Variants in TRRAP observed in about 807,000 individuals in gnomAD.
TRRAP encodes the protein transformation/transcription domain-associated protein.
A neutral mutation model predicts 438.8 loss-of-function variants in TRRAP; 41 were observed. That is an observed-to-expected ratio of 0.09 (90% CI 0.07 to 0.12). The LOEUF (loss-of-function observed/expected upper bound fraction) is 0.12. Among genes scored for constraint, TRRAP ranks in the 10% least tolerant of loss-of-function variants. The pLI, the probability that TRRAP is intolerant of heterozygous loss-of-function variation, is 1.00. For missense variants in TRRAP, 3,122 were observed against 5,055.1 expected, an observed-to-expected ratio of 0.62 and a Z score of 11.60; for synonymous variants, 1,994 against 1,962.9, an observed-to-expected ratio of 1.02 and a Z score of -0.42.
Position 98,925,259 on chromosome 7 carries a change from C to T in TRRAP, c.2971C>T (p.Pro991Ser). ...CGCACTCTACCAGCTCCTGGCACAC[C>T]CCAAGTATGTCGGCCACTTCCTTCT... The part of the protein sequence containing the change: ...KHALYQLLAH[P>S]NFTEKTIPNV... The change falls in exon 22 of 73, where the codon CCC becomes TCC. Residue 991 changes from proline (P) to serine (S), a missense_variant. Physicochemically the swap from Pro to Ser is moderately conservative, Grantham distance 74. Transcript: ENST00000456197. The T allele has an allele frequency of 6.2e-7, 1 of 1,613,470 alleles. No individual in the cohort carries two copies. The highest frequency in any genetic ancestry group is 8.5e-7 in the Non-Finnish European group (1 of 1,179,778).
chr7:98,878,911 G>T (rs1554402561), intron 1 of TRRAP, among the ~76,000 whole-genome samples: 1 of 152,150 alleles, frequency 6.6e-6, no homozygotes, highest in Non-Finnish European at 1.5e-5. Flanking sequence ...ACGCGGTCAC[G>T]GAGCGCCCGG....
At chr7:98,897,931 C>A (rs1200200086) in intron 8 of TRRAP, 65 bp downstream of exon 8, 2 of 1,598,080 alleles carry the variant, frequency 1.3e-6, no homozygotes, top group African/African-American at 2.7e-5. Context: ...GCCTGTTAAA[C>A]CATTTTTTTT....
chr7:98,939,104 T>C (rs1338254058), intron 30 of TRRAP, among the ~76,000 whole-genome samples: 1 of 152,228 alleles, frequency 6.6e-6, no homozygotes, highest in Non-Finnish European at 1.5e-5. Flanking sequence ...GATTTATAAA[T>C]AATAAACAGG....
At chr7:98,892,658 T>C (rs562996898) in intron 5 of TRRAP, 130 bp downstream of exon 5, 10 of 715,254 alleles carry the variant, frequency 1.4e-5, no homozygotes, top group Admixed American at 1.0e-4. Context: ...TGAGTAAAAA[T>C]TTTTCTTAAT....
intron 39 of TRRAP, 86 bp from the exon 40 acceptor site, chr7:98,953,081 T>TG (rs1791417570): frequency 2.5e-6 from 2 of 805,038 alleles, no homozygotes; most frequent in East Asian, 5.7e-5. Flanking sequence ...GTGTGTGTGT[T>TG]TTTAAGGCTT....
chr7:98,956,476 C>T lies in TRRAP; in HGVS notation c.6174C>T (p.Ser2058=), dbSNP rs781783001. 21 of 1,614,110 alleles carry T rather than the reference C, an allele frequency of 1.3e-5. No individual in the cohort carries two copies. Among genetic ancestry groups the T allele is most frequent in the African/African-American group, 5.3e-5 (4 of 74,946 alleles). Residue 2058 remains serine (S), a synonymous_variant, in exon 43 of 73, where the codon TCC becomes TCT. Coordinates refer to ENST00000456197, the MANE Select transcript of TRRAP (RefSeq NM_001375524.1). This position sits in a 1 kb window ranked among gnomAD's most constrained non-coding sequence, Gnocchi z 4.5. ...CATCCTCCATTAAGAGAGGCCTGTC[C>T]GTGGATTCTGCCCAGGAAGTGAAAC... ...SVSSSIKRGL[S]VDSAQEVKRF...
intron 69 of TRRAP, among the ~76,000 whole-genome samples, chr7:99,006,493 T>A (rs2116865865): frequency 6.6e-6 from 1 of 152,346 alleles, no homozygotes; most frequent in South Asian, 2.1e-4. Flanking sequence ...TCCAAATGCT[T>A]GGTCAGCACA....
At chr7:98,985,759 A>G (rs138155440) in intron 62 of TRRAP, among the ~76,000 whole-genome samples, 1 of 152,340 alleles carries the variant, frequency 6.6e-6, no homozygotes, top group Middle Eastern at 3.4e-3. Context: ...CAGTTTTGTC[A>G]ACATAAAAAG....
chr7:99,012,015 C>T lies in TRRAP; in HGVS notation c.11338-56C>T. Reference sequence around the variant, plus strand: ...TGAGTCCCACCTTGTTAGGAAGCTGCCCCTGTGGGCTGTTCTTGGTTAAAC... The same window carrying T: ...TGAGTCCCACCTTGTTAGGAAGCTGTCCCTGTGGGCTGTTCTTGGTTAAAC... On this transcript the variant is annotated intron_variant, in intron 72 of 72. Transcript: ENST00000456197. The surrounding 1 kb of genome is among the most constrained non-coding windows in gnomAD (Gnocchi z 5.9). 2 of 1,579,030 alleles carry T rather than the reference C, an allele frequency of 1.3e-6. No individual in the cohort carries two copies. The highest frequency in any genetic ancestry group is 8.6e-7 in the Non-Finnish European group (1 of 1,159,336).
At chr7:98,913,195 A>G (rs534044172) in intron 18 of TRRAP, among the ~76,000 whole-genome samples, 3 of 152,220 alleles carry the variant, frequency 2.0e-5, no homozygotes, top group African/African-American at 7.2e-5. Flanking sequence ...GTCTGTTGCA[A>G]CTGAAATCAA....
In TRRAP at chr7:98,912,219, G is replaced by C. The variant is rs782670054; in HGVS notation, c.2199+6G>C. ...AAAATGAACAAATGCTGAAGGTAAA[G>C]TCCATTTAATCTAAGTAGTGCTTCT... On this transcript the variant is annotated splice_donor_region_variant and intron_variant, in intron 18 of 72. Transcript: ENST00000456197. 168 of 1,612,752 alleles carry C rather than the reference G, an allele frequency of 1.0e-4. No homozygotes were observed. Among genetic ancestry groups the C allele is most frequent in the Middle Eastern group, 1.6e-4 (1 of 6,074 alleles).
rs1386472809 is a variant in TRRAP, at chr7:98,961,373, A to G, written c.6602A>G (p.Gln2201Arg). ...PAILSSFKPL[Q>R]RGIAACMTCG... ...ATCCTCAGTAGCTTCAAACCTCTGC[A>G]GCGTGGAATTGCCGCCTGCATGACA... The change falls in exon 46 of 73, where the codon CAG becomes CGG. Residue 2201 changes from glutamine to arginine, a missense_variant. Coordinates refer to ENST00000456197, the MANE Select transcript of TRRAP (RefSeq NM_001375524.1). The G allele has an allele frequency of 6.2e-7, 1 of 1,614,222 alleles. No homozygotes were observed. Among genetic ancestry groups the G allele is most frequent in the African/African-American group, 1.3e-5 (1 of 75,060 alleles).
Position 98,948,741 on chromosome 7 carries a change from G to A in TRRAP, c.4788+56G>A, listed in dbSNP as rs566657479. 1.3e-5 allele frequency: 21 copies of A among 1,612,112 alleles called. No individual in the cohort carries two copies. In the East Asian group the frequency reaches 2.5e-4, roughly 19 times the overall value. Reference sequence around the variant, plus strand: ...TCCCTTCAAATGCTTGTGAGCTGTCGTGCTCTGAAATGTTCAGTTCATATT... The same window carrying A: ...TCCCTTCAAATGCTTGTGAGCTGTCATGCTCTGAAATGTTCAGTTCATATT... On this transcript the variant is annotated intron_variant, in intron 35 of 72. Transcript: ENST00000456197. The surrounding 1 kb of genome is among the most constrained non-coding windows in gnomAD (Gnocchi z 4.9).
At chr7:98,992,011 T>G in intron 64 of TRRAP, 126 bp from the exon 65 acceptor site, 1 of 1,028,064 alleles carries the variant, frequency 9.7e-7, no homozygotes, top group African/African-American at 1.6e-5. Context: ...CAGTATTTGC[T>G]TCCTTGGTCC....
intron 3 of TRRAP, 100 bp downstream of exon 3, chr7:98,882,124 A>G: frequency 9.9e-7 from 1 of 1,013,210 alleles, no homozygotes; most frequent in Non-Finnish European, 1.4e-6. Flanking sequence ...CTCAAAGATC[A>G]TTGTCTTTGT....
At chr7:98,943,352 G>A (rs1471445628) in intron 31 of TRRAP, among the ~76,000 whole-genome samples, 1 of 152,200 alleles carries the variant, frequency 6.6e-6, no homozygotes, top group African/African-American at 2.4e-5. Context: ...CTTGGCAGCT[G>A]CTGTCTACAT....
intron 62 of TRRAP, among the ~76,000 whole-genome samples, chr7:98,986,822 A>G (rs372625245): frequency 1.3e-5 from 2 of 152,214 alleles, no homozygotes; most frequent in Admixed American, 1.3e-4. Context: ...TAAGCATTTC[A>G]TAGATTTAGC....
rs188445586 is a variant in TRRAP, at chr7:98,996,057, C to T, written c.10309+1209C>T. On this transcript the variant is annotated intron_variant, in intron 67 of 72. Coordinates refer to ENST00000456197, the MANE Select transcript of TRRAP (RefSeq NM_001375524.1). ...CACACTCCCCCGTCTAGTCCACACACCCCATCCACTTACCTGCGTCCCCTC... is the reference window on the plus strand; with the variant it reads ...CACACTCCCCCGTCTAGTCCACACATCCCATCCACTTACCTGCGTCCCCTC... 9.3e-5 allele frequency among the ~76,000 whole-genome samples: 14 copies of T among 150,486 alleles called. No individual in the cohort carries two copies. The East Asian group carries it at 2.4e-3, about 25-fold the overall frequency.
chr7:98,988,435 A>G (rs1215849925), intron 62 of TRRAP, among the ~76,000 whole-genome samples: 1 of 152,242 alleles, frequency 6.6e-6, no homozygotes, highest in Admixed American at 6.5e-5. Flanking sequence ...TGTTAAAGAG[A>G]ATGAAGCACT....
Sources: allele counts gnomAD v4.1 joint callset (sites outside exome capture counted in the v4.1 genomes callset), GRCh38; gene constraint gnomAD v4.1.1; non-coding constraint Gnocchi (gnomAD v3.1); transcripts MANE v1.5; gene names NCBI Gene and HGNC (gene_info 2026-07-23, HGNC 2026-07-21).